AGPAT5: variants seen among roughly 807,000 people sequenced by gnomAD.
AGPAT5 encodes the protein 1-acyl-sn-glycerol-3-phosphate acyltransferase epsilon.
In AGPAT5, 46 loss-of-function variants were observed where a neutral mutation model predicts 45.6. The observed-to-expected ratio is 1.01, with a 90% CI of 0.80 to 1.29. The LOEUF (loss-of-function observed/expected upper bound fraction) is 1.29. Ranked by LOEUF, AGPAT5 falls within the 50% of genes most tolerant of loss-of-function variation. The pLI is 0.00. For missense variants in AGPAT5, 673 were observed against 450.7 expected (o/e 1.49, Z -4.47); for synonymous variants, 272 against 167.0 (o/e 1.63, Z -4.85).
intron 7 of AGPAT5, among the ~76,000 whole-genome samples, chr8:6,756,462 C>T (rs1308929446): frequency 6.6e-6 from 1 of 152,046 alleles, no homozygotes; most frequent in Non-Finnish European, 1.5e-5. Flanking sequence ...CCTGTCTCTA[C>T]AGAAAATACA....
intron 1 of AGPAT5, among the ~76,000 whole-genome samples, chr8:6,710,224 G>A (rs1488545378): frequency 6.6e-6 from 1 of 152,126 alleles, no homozygotes; most frequent in African/African-American, 2.4e-5. Context: ...TTTTGGTTTG[G>A]CAAGTTCTTA....
chr8:6,743,701 G>A (rs970703866), intron 5 of AGPAT5, among the ~76,000 whole-genome samples: 1 of 151,110 alleles, frequency 6.6e-6, no homozygotes, highest in South Asian at 2.1e-4. Flanking sequence ...CTTTCTAATG[G>A]TTATAAGGGA....
intron 6 of AGPAT5, 42 bp downstream of exon 6, chr8:6,747,870 T>C: frequency 6.4e-7 from 1 of 1,574,768 alleles, no homozygotes; most frequent in Non-Finnish European, 8.6e-7. Flanking sequence ...ACACGGTATA[T>C]ACAGTGCACA....
chr8:6,740,480 T>C (rs1229742374), intron 4 of AGPAT5, among the ~76,000 whole-genome samples: 2 of 148,396 alleles, frequency 1.3e-5, no homozygotes, highest in Non-Finnish European at 3.0e-5. Flanking sequence ...ATATAAATTA[T>C]TGTTTAATAA....
intron 5 of AGPAT5, among the ~76,000 whole-genome samples, chr8:6,747,251 G>T (rs1232828221): frequency 6.6e-6 from 1 of 152,246 alleles, no homozygotes; most frequent in Non-Finnish European, 1.5e-5. Context: ...TCAGATCCAT[G>T]CTGAGCGAAA....
intron 1 of AGPAT5, among the ~76,000 whole-genome samples, chr8:6,722,447 G>C (rs141358261): frequency 6.6e-6 from 1 of 152,078 alleles, no homozygotes; most frequent in East Asian, 1.9e-4. Context: ...AAGACAAATG[G>C]ACATGATTGA....
chr8:6,726,886 T>C (rs1800705701), intron 2 of AGPAT5, among the ~76,000 whole-genome samples: 2 of 152,202 alleles, frequency 1.3e-5, no homozygotes, highest in Non-Finnish European at 2.9e-5. Context: ...GAGAAAATAC[T>C]AGGGGAATGA....
intron 4 of AGPAT5, among the ~76,000 whole-genome samples, chr8:6,738,787 A>G (rs1469725984): frequency 2.0e-5 from 3 of 151,986 alleles, no homozygotes; most frequent in Admixed American, 6.6e-5. Flanking sequence ...TTTTATTTTT[A>G]TACATTTATA....
At position 6,726,342 on chromosome 8, in the gene AGPAT5, A is replaced by G. The variant is rs539930095; in HGVS notation, c.289+1403A>G. On this transcript the variant is annotated intron_variant, in intron 2 of 7. Transcript: ENST00000285518. Reference sequence around the variant, plus strand: ...GATTTGATTTTCCTGCATTTCCTTTATTTTGATCCAGTGTTAATTTCATGT... The same window carrying G: ...GATTTGATTTTCCTGCATTTCCTTTGTTTTGATCCAGTGTTAATTTCATGT... Among the ~76,000 whole-genome samples the G allele has an allele frequency of 5.9e-5, 9 of 152,238 alleles. No individual in the cohort carries two copies. The South Asian group carries it at 1.9e-3, about 32-fold the overall frequency.
intron 1 of AGPAT5, among the ~76,000 whole-genome samples, chr8:6,711,303 AC>A (rs1384448002): frequency 6.6e-6 from 1 of 152,194 alleles, no homozygotes; most frequent in Non-Finnish European, 1.5e-5. Flanking sequence ...CTGGGTAAAT[AC>A]CTTTTTCTTC....
intron 4 of AGPAT5, among the ~76,000 whole-genome samples, chr8:6,735,296 G>C (rs1421861337): frequency 2.0e-5 from 3 of 152,154 alleles, no homozygotes; most frequent in Non-Finnish European, 4.4e-5. Context: ...TGGGCCCTGA[G>C]CCCTTCCCAC....
In AGPAT5 at chr8:6,758,068, G is replaced by A. The variant is rs761048400; in HGVS notation, c.*680G>A. On this transcript the variant is annotated 3_prime_UTR_variant, in exon 8 of 8. Coordinates refer to ENST00000285518, the MANE Select transcript of AGPAT5 (RefSeq NM_018361.5). ...AGAAAATGGTATAAAATATGAGAAC[G>A]AAGTTTAAAATTGTGACTCTGATTC... The A allele has an allele frequency of 1.3e-5, 2 of 152,218 alleles. No individual in the cohort carries two copies. The highest frequency in any genetic ancestry group is 1.5e-5 in the Non-Finnish European group (1 of 68,046). The allele number at this position is 152,218 out of a possible 1,614,324, so 9.4% of individuals were successfully genotyped here.
chr8:6,760,369 G>A lies in AGPAT5; in HGVS notation c.*2981G>A, dbSNP rs1054123526. ...GCCATGGACATACCACTGCACTACAGCCTAGGTAACAGCACGAGACCCCAA... is the reference window on the plus strand; with the variant it reads ...GCCATGGACATACCACTGCACTACAACCTAGGTAACAGCACGAGACCCCAA... On this transcript the variant is annotated 3_prime_UTR_variant, in exon 8 of 8. Transcript: ENST00000285518. Among the ~76,000 whole-genome samples, 2 of 152,074 alleles carry A rather than the reference G, an allele frequency of 1.3e-5. No homozygotes were observed. Among genetic ancestry groups the A allele is most frequent in the African/African-American group, 4.8e-5 (2 of 41,384 alleles).
intron 4 of AGPAT5, among the ~76,000 whole-genome samples, chr8:6,734,740 T>G (rs1800985471): frequency 6.6e-6 from 1 of 152,052 alleles, no homozygotes; most frequent in South Asian, 2.1e-4. Context: ...TGGAAATGGA[T>G]AGACTTGTCT....
intron 4 of AGPAT5, among the ~76,000 whole-genome samples, chr8:6,733,474 G>A (rs1398181758): frequency 6.6e-6 from 1 of 152,188 alleles, no homozygotes; most frequent in African/African-American, 2.4e-5. Context: ...TCTTCTAGGT[G>A]TTTTTACATT....
chr8:6,723,863 A>G (rs1800590522), intron 1 of AGPAT5, among the ~76,000 whole-genome samples: 1 of 152,198 alleles, frequency 6.6e-6, no homozygotes, highest in African/African-American at 2.4e-5. Context: ...TTAAGATATT[A>G]ATAAATAGTG....
intron 1 of AGPAT5, among the ~76,000 whole-genome samples, chr8:6,722,743 G>C (rs547021434): frequency 5.3e-5 from 8 of 152,292 alleles, no homozygotes; most frequent in Non-Finnish European, 7.4e-5. Context: ...GACGAAAGCA[G>C]AATAACTAGT....
intron 1 of AGPAT5, among the ~76,000 whole-genome samples, chr8:6,711,829 G>GCC (rs1467336625): frequency 6.6e-6 from 1 of 152,144 alleles, no homozygotes; most frequent in Non-Finnish European, 1.5e-5. Flanking sequence ...AGTCCTTGCT[G>GCC]CCACCTCTTC....
At chr8:6,716,376 T>C (rs896773948) in intron 1 of AGPAT5, among the ~76,000 whole-genome samples, 8 of 152,008 alleles carry the variant, frequency 5.3e-5, no homozygotes, top group African/African-American at 9.7e-5. Flanking sequence ...CTGGCCAACA[T>C]TGTGAAACCC....
Sources: gnomAD v4.1 joint callset for allele counts (sites outside exome capture counted in the v4.1 genomes callset) on GRCh38, gnomAD v4.1.1 for gene constraint, MANE v1.5 for transcripts, NCBI Gene and HGNC (gene_info 2026-07-23, HGNC 2026-07-21) for gene names.